The following SLC35F4 variants were observed in gnomAD, a reference collection of about 807,000 sequenced individuals.
The protein encoded by SLC35F4 is chromosome 14 open reading frame 36.
SLC35F4 carries 24 observed loss-of-function variants against 44.2 expected under a neutral mutation model. The observed-to-expected ratio is 0.54, with a 90% CI of 0.39 to 0.76. The LOEUF (loss-of-function observed/expected upper bound fraction) is 0.76, where lower values mean the gene tolerates loss of function less well. SLC35F4 is among the 30% of genes least tolerant of loss of function. SLC35F4 has a pLI of 0.00. For missense variants in SLC35F4, 562 were observed against 586.1 expected, an observed-to-expected ratio of 0.96 and a Z score of 0.42; for synonymous variants, 238 against 223.6, an observed-to-expected ratio of 1.06 and a Z score of -0.57.
intron 1 of SLC35F4, among the ~76,000 whole-genome samples, chr14:57,851,389 G>C (rs1369256738): frequency 6.6e-6 from 1 of 152,146 alleles, no homozygotes; most frequent in Non-Finnish European, 1.5e-5. Flanking sequence ...ATGTGCATTT[G>C]GGGGATAGGT....
At chr14:57,852,855 C>T (rs1458299663) in intron 1 of SLC35F4, among the ~76,000 whole-genome samples, 2 of 152,210 alleles carry the variant, frequency 1.3e-5, no homozygotes, top group South Asian at 4.1e-4. Flanking sequence ...AACCTGAAGG[C>T]TCTAACGCTC....
intron 1 of SLC35F4, among the ~76,000 whole-genome samples, chr14:57,682,040 GTTGGTTAGAGTGTAAAT>G (rs2074922119): frequency 6.6e-6 from 1 of 152,194 alleles, no homozygotes; most frequent in Non-Finnish European, 1.5e-5. Flanking sequence ...CTTTTACACT[GTTGGTTAGAGTGTAAAT>G]TAGTTCAGTC....
At chr14:57,649,356 T>G (rs954278308) in intron 1 of SLC35F4, among the ~76,000 whole-genome samples, 1 of 152,118 alleles carries the variant, frequency 6.6e-6, no homozygotes, top group African/African-American at 2.4e-5. Flanking sequence ...GAGAACACTT[T>G]CTTTGCTTTT....
At position 57,613,968 on chromosome 14, in the gene SLC35F4, C is replaced by T. The variant is rs62003015; in HGVS notation, c.104-19844G>A. ...TATAACCCCTGGACTGGTGCCTTTTCACCTAGAAGGCTCTCAAAAAATATT... is the reference window on the plus strand; with the variant it reads ...TATAACCCCTGGACTGGTGCCTTTTTACCTAGAAGGCTCTCAAAAAATATT... On this transcript the variant is annotated intron_variant, in intron 1 of 7. Coordinates refer to ENST00000556826, the MANE Select transcript of SLC35F4 (RefSeq NM_001306087.2). Among the ~76,000 whole-genome samples, 1,403 of 152,316 alleles carry T rather than the reference C, an allele frequency of 9.2e-3. 10 individuals are homozygous for T. Among genetic ancestry groups the T allele is most frequent in the Non-Finnish European group, 0.015 (1,016 of 68,016 alleles).
chr14:57,792,061 A>G (rs557621086), intron 1 of SLC35F4, among the ~76,000 whole-genome samples: 2 of 152,230 alleles, frequency 1.3e-5, no homozygotes, highest in African/African-American at 2.4e-5. Flanking sequence ...ATGTGTACCT[A>G]TGTAACAAAC....
intron 1 of SLC35F4, among the ~76,000 whole-genome samples, chr14:57,764,063 A>G (rs1398036701): frequency 6.6e-6 from 1 of 152,140 alleles, no homozygotes; most frequent in Non-Finnish European, 1.5e-5. Flanking sequence ...CCCAAGACAC[A>G]ATTTCTAGCC....
chr14:57,728,216 T>C (rs573839225), intron 1 of SLC35F4, among the ~76,000 whole-genome samples: 1 of 152,286 alleles, frequency 6.6e-6, no homozygotes, highest in East Asian at 1.9e-4. Context: ...TGCTCTTTTT[T>C]GGTTTCCACT....
chr14:57,942,086 A>G (rs1889925625), intron 1 of SLC35F4, among the ~76,000 whole-genome samples: 2 of 152,150 alleles, frequency 1.3e-5, no homozygotes, highest in South Asian at 2.1e-4. Flanking sequence ...ACATTTTGCA[A>G]TCCTGGTTAG....
chr14:57,802,831 C>G (rs1363544005), intron 1 of SLC35F4, among the ~76,000 whole-genome samples: 2 of 151,756 alleles, frequency 1.3e-5, no homozygotes, highest in Non-Finnish European at 2.9e-5. Flanking sequence ...AAGTAGCAAG[C>G]AAAAAACACC....
chr14:57,676,929 A>G (rs1181023647), intron 1 of SLC35F4, among the ~76,000 whole-genome samples: 1 of 152,156 alleles, frequency 6.6e-6, no homozygotes, highest in African/African-American at 2.4e-5. Flanking sequence ...CCAGAGGAAA[A>G]TAAGTCATTA....
chr14:57,967,214 A>T (rs1594659939), intron 1 of SLC35F4, among the ~76,000 whole-genome samples: 1 of 152,182 alleles, frequency 6.6e-6, no homozygotes, highest in East Asian at 1.9e-4. Flanking sequence ...TTGAAAGAAG[A>T]CAATTTTAAG....
chr14:57,781,883 G>C (rs1225228931), intron 1 of SLC35F4, among the ~76,000 whole-genome samples: 1 of 152,138 alleles, frequency 6.6e-6, no homozygotes, highest in Non-Finnish European at 1.5e-5. Flanking sequence ...GACACAAAGA[G>C]AGGAACAACA....
intron 1 of SLC35F4, among the ~76,000 whole-genome samples, chr14:57,643,739 G>A (rs543076478): frequency 2.6e-5 from 4 of 152,174 alleles, no homozygotes; most frequent in Admixed American, 1.3e-4. Context: ...TTAGCATTAG[G>A]TATATCTCCT....
chr14:57,800,000 G>A (rs1473688972), intron 1 of SLC35F4, among the ~76,000 whole-genome samples: 1 of 152,178 alleles, frequency 6.6e-6, no homozygotes, highest in Admixed American at 6.5e-5. Flanking sequence ...CAGCTGCCTT[G>A]CCAGCAGTGG....
chr14:57,832,411 G>A (rs768518166), intron 1 of SLC35F4, among the ~76,000 whole-genome samples: 1 of 152,156 alleles, frequency 6.6e-6, no homozygotes, highest in Non-Finnish European at 1.5e-5. Context: ...GAATATGTAG[G>A]ATGAACAAGC....
At chr14:57,885,301 G>A (rs528633707) in intron 1 of SLC35F4, among the ~76,000 whole-genome samples, 142 of 152,286 alleles carry the variant, frequency 9.3e-4, no homozygotes, top group African/African-American at 3.2e-3. Flanking sequence ...TGCAGGTAAT[G>A]AAAGGGCTCA....
intron 1 of SLC35F4, among the ~76,000 whole-genome samples, chr14:57,901,684 AAAAT>A (rs1480781495): frequency 8.5e-5 from 13 of 152,352 alleles, no homozygotes; most frequent in African/African-American, 2.4e-4. Flanking sequence ...AAGTTGAAGA[AAAAT>A]AAATAAAATG....
At chr14:57,797,168 G>A (rs911332122) in intron 1 of SLC35F4, among the ~76,000 whole-genome samples, 1 of 152,128 alleles carries the variant, frequency 6.6e-6, no homozygotes, top group African/African-American at 2.4e-5. Context: ...ACATTCAGAA[G>A]ATCTGTGAAT....
chr14:57,579,177 C>T (rs944787410), intron 4 of SLC35F4, among the ~76,000 whole-genome samples: 10 of 152,168 alleles, frequency 6.6e-5, no homozygotes, highest in Non-Finnish European at 1.5e-4. Flanking sequence ...GTCCCCTTTT[C>T]AAGATCCTTA....
Sources: gnomAD v4.1 joint callset for allele counts (sites outside exome capture counted in the v4.1 genomes callset) on GRCh38, gnomAD v4.1.1 for gene constraint, MANE v1.5 for transcripts, NCBI Gene and HGNC (gene_info 2026-07-23, HGNC 2026-07-21) for gene names.